SPSB4: variants seen among roughly 807,000 people sequenced by gnomAD.
SPSB4 encodes splA/ryanodine receptor domain and SOCS box containing 4.
A neutral mutation model predicts 20.9 loss-of-function variants in SPSB4; 21 were observed. That is an observed-to-expected ratio of 1.01 (90% CI 0.71 to 1.45). The LOEUF is 1.45. SPSB4 is among the 40% of genes most tolerant of loss of function. The probability of loss-of-function intolerance (pLI) is 0.00; values close to 1 mark genes in which losing one functional copy is unlikely to be tolerated. For missense variants in SPSB4, 399 were observed against 399.2 expected (o/e 1.00, Z 0.00); for synonymous variants, 207 against 183.8 (o/e 1.13, Z -1.02).
At chr3:141,113,001 G>A (rs749426109) in intron 2 of SPSB4, among the ~76,000 whole-genome samples, 8 of 152,180 alleles carry the variant, frequency 5.3e-5, no homozygotes, top group Non-Finnish European at 1.0e-4. Flanking sequence ...GGTTACCCCA[G>A]CTGTTCTCCC....
chr3:141,118,695 A>T (rs1938918445), intron 2 of SPSB4, among the ~76,000 whole-genome samples: 1 of 152,234 alleles, frequency 6.6e-6, no homozygotes, highest in Non-Finnish European at 1.5e-5. Flanking sequence ...ATCCAGTTTC[A>T]GCTTTCTACA....
At chr3:141,138,409 T>A (rs148773632) in intron 2 of SPSB4, among the ~76,000 whole-genome samples, 173 of 152,374 alleles carry the variant, frequency 1.1e-3, no homozygotes, top group African/African-American at 3.8e-3. Context: ...CTTCTTTAGT[T>A]CTTTTAATTG....
intron 2 of SPSB4, among the ~76,000 whole-genome samples, chr3:141,145,552 T>C (rs749865352): frequency 1.3e-5 from 2 of 152,262 alleles, no homozygotes; most frequent in Non-Finnish European, 2.9e-5. Context: ...GGCCTTTCTC[T>C]GTGGTACTAT....
intron 2 of SPSB4, among the ~76,000 whole-genome samples, chr3:141,128,753 G>A (rs1223215164): frequency 1.3e-5 from 2 of 151,986 alleles, no homozygotes; most frequent in African/African-American, 4.8e-5. Context: ...AGGTAAGGGG[G>A]ACAGAGCATC....
chr3:141,089,055 T>C (rs1287070345), intron 2 of SPSB4, among the ~76,000 whole-genome samples: 1 of 152,236 alleles, frequency 6.6e-6, no homozygotes, highest in Non-Finnish European at 1.5e-5. Flanking sequence ...CATGATTGAA[T>C]GAAACATTGC....
chr3:141,097,671 G>C (rs114721257), intron 2 of SPSB4, among the ~76,000 whole-genome samples: 1,533 of 152,194 alleles, frequency 0.01, 20 homozygotes, highest in African/African-American at 0.035. Flanking sequence ...CCTGTTCAGT[G>C]AGGAGGAATG....
intron 2 of SPSB4, among the ~76,000 whole-genome samples, chr3:141,136,421 A>G (rs1261194252): frequency 2.0e-5 from 3 of 152,188 alleles, no homozygotes; most frequent in African/African-American, 7.2e-5. Flanking sequence ...GCCCATGCCT[A>G]TGTCCTGAAT....
chr3:141,077,021 A>G (rs1478938640), intron 2 of SPSB4: 1 of 152,140 alleles, frequency 6.6e-6, no homozygotes, highest in Non-Finnish European at 1.5e-5. Flanking sequence ...GGCAGCCTTT[A>G]TTTACAGGGT....
chr3:141,107,262 G>T lies in SPSB4; in HGVS notation c.695-39880G>T, dbSNP rs138908714. ...AAATCCATTAGTAATTAACATAAAA[G>T]TTAGTAGAATGGAAGTTCATACATT... On this transcript the variant is annotated intron_variant, in intron 2 of 2. Coordinates refer to ENST00000310546, the MANE Select transcript of SPSB4 (RefSeq NM_080862.3). 1.4e-3 allele frequency among the ~76,000 whole-genome samples: 217 copies of T among 152,330 alleles called. 1 individual carries two copies. The highest frequency in any genetic ancestry group is 4.8e-3 in the African/African-American group (201 of 41,564).
Position 141,105,740 on chromosome 3 carries a change from G to A in SPSB4, c.694+38942G>A, listed in dbSNP as rs62283591. 3.2e-3 allele frequency among the ~76,000 whole-genome samples: 493 copies of A among 152,308 alleles called. 3 individuals are homozygous for A. The highest frequency in any genetic ancestry group is 5.5e-3 in the Non-Finnish European group (372 of 68,020). ...GAAGAGGCAAGTAATTAATAAAGAA[G>A]ACACAATGTAAGTAATCATAATTCT... On this transcript the variant is annotated intron_variant, in intron 2 of 2. Transcript: ENST00000310546.
chr3:141,059,732 A>C (rs947475990), intron 1 of SPSB4, among the ~76,000 whole-genome samples: 2 of 151,986 alleles, frequency 1.3e-5, no homozygotes, highest in Non-Finnish European at 2.9e-5. Context: ...CAATCAGTTC[A>C]TAGCCAGGCA....
intron 2 of SPSB4, among the ~76,000 whole-genome samples, chr3:141,135,423 G>A (rs1362750612): frequency 6.6e-6 from 1 of 151,640 alleles, no homozygotes; most frequent in Admixed American, 6.6e-5. Context: ...GTATACATGT[G>A]CCATGTTGGT....
chr3:141,138,819 G>A (rs1046866981), intron 2 of SPSB4, among the ~76,000 whole-genome samples: 1 of 152,158 alleles, frequency 6.6e-6, no homozygotes, highest in Admixed American at 6.5e-5. Context: ...CTGTTGATTT[G>A]GGGTGGAGAG....
chr3:141,069,432 G>T (rs1209097100), intron 2 of SPSB4, among the ~76,000 whole-genome samples: 1 of 152,194 alleles, frequency 6.6e-6, no homozygotes, highest in Non-Finnish European at 1.5e-5. Context: ...ACCCAAGGTG[G>T]ATTCTGTGCA....
At chr3:141,061,824 C>T (rs962787153) in intron 1 of SPSB4, among the ~76,000 whole-genome samples, 7 of 151,004 alleles carry the variant, frequency 4.6e-5, no homozygotes, top group Non-Finnish European at 1.0e-4. Flanking sequence ...CAACCTCCAC[C>T]TCCTGGGTTA....
chr3:141,119,134 C>G (rs957660927), intron 2 of SPSB4, among the ~76,000 whole-genome samples: 7 of 152,136 alleles, frequency 4.6e-5, no homozygotes, highest in African/African-American at 1.4e-4. Context: ...ATGGAATGTT[C>G]TTCCATTTGT....
intron 2 of SPSB4, among the ~76,000 whole-genome samples, chr3:141,069,301 G>T (rs536249055): frequency 1.3e-5 from 2 of 152,118 alleles, no homozygotes; most frequent in Admixed American, 6.5e-5. Flanking sequence ...GTGGAGTCTC[G>T]CAGGGATAGT....
At chr3:141,062,077 C>T (rs1048637840) in intron 1 of SPSB4, among the ~76,000 whole-genome samples, 17 of 152,340 alleles carry the variant, frequency 1.1e-4, no homozygotes, top group African/African-American at 4.1e-4. Context: ...CAGGATACCA[C>T]ATTATGTGGA....
intron 2 of SPSB4, among the ~76,000 whole-genome samples, chr3:141,071,322 TGG>T (rs1316957867): frequency 6.6e-6 from 1 of 152,034 alleles, no homozygotes; most frequent in Non-Finnish European, 1.5e-5. Context: ...TCGGAGTTCT[TGG>T]GTGGTGAGTG....
Sources: allele counts gnomAD v4.1 joint callset (sites outside exome capture counted in the v4.1 genomes callset), GRCh38; gene constraint gnomAD v4.1.1; transcripts MANE v1.5; gene names NCBI Gene and HGNC (gene_info 2026-07-23, HGNC 2026-07-21).